The following FAM184B variants were observed in gnomAD, a reference collection of about 807,000 sequenced individuals.
FAM184B encodes the protein family with sequence similarity 184 member B.
Under a neutral mutation model 135.9 loss-of-function variants are expected in FAM184B, and 111 were observed. The observed-to-expected ratio is 0.82, with a 90% CI of 0.70 to 0.96. The LOEUF is 0.96. Ranked by LOEUF, FAM184B falls within the 40% of genes least tolerant of loss-of-function variation. FAM184B has a pLI of 0.00. For missense variants in FAM184B, 1,375 were observed against 1,323.9 expected (o/e 1.04, Z -0.60); for synonymous variants, 552 against 524.8 (o/e 1.05, Z -0.71).
intron 1 of FAM184B, among the ~76,000 whole-genome samples, chr4:17,718,954 C>G (rs1717458575): frequency 6.6e-6 from 1 of 152,210 alleles, no homozygotes; most frequent in Non-Finnish European, 1.5e-5. Context: ...TTAGTATGTA[C>G]AGTAGTTGTC....
intron 1 of FAM184B, among the ~76,000 whole-genome samples, chr4:17,735,622 A>C (rs559518167): frequency 6.6e-6 from 1 of 152,260 alleles, no homozygotes; most frequent in Admixed American, 6.5e-5. Flanking sequence ...GTCAAAAAGC[A>C]AATCTAAGGA....
At position 17,645,597 on chromosome 4, in the gene FAM184B, A is replaced by G. The variant is rs866989762; in HGVS notation, c.2346+2040T>C. Among the ~76,000 whole-genome samples, 3 of 152,126 alleles carry G rather than the reference A, an allele frequency of 2.0e-5. No individual in the cohort carries two copies. The East Asian group carries it at 5.8e-4, about 29-fold the overall frequency. On this transcript the variant is annotated intron_variant, in intron 12 of 17. Coordinates refer to ENST00000265018, the MANE Select transcript of FAM184B (RefSeq NM_015688.2). ...TAATTCAAGATGGATTAAAGACTTA[A>G]ATGTTAGACCTAAAACCATAAAAAC...
At chr4:17,728,273 G>A (rs1157285726) in intron 1 of FAM184B, among the ~76,000 whole-genome samples, 4 of 152,172 alleles carry the variant, frequency 2.6e-5, no homozygotes, top group African/African-American at 9.7e-5. Context: ...TGTAGTCCCA[G>A]CTACTCAGGA....
chr4:17,686,834 C>T (rs1178346657), intron 7 of FAM184B, among the ~76,000 whole-genome samples: 3 of 152,134 alleles, frequency 2.0e-5, no homozygotes, highest in East Asian at 1.9e-4. Flanking sequence ...CCCAGCTACT[C>T]GGGAGGCTGA....
intron 1 of FAM184B, among the ~76,000 whole-genome samples, chr4:17,722,058 C>T (rs568767307): frequency 6.6e-6 from 1 of 152,204 alleles, no homozygotes; most frequent in Non-Finnish European, 1.5e-5. Flanking sequence ...GAGAGCTGTC[C>T]AGGAGGAGGA....
At chr4:17,659,217 C>T (rs935436200) in intron 9 of FAM184B, among the ~76,000 whole-genome samples, 12 of 150,958 alleles carry the variant, frequency 7.9e-5, no homozygotes, top group Admixed American at 1.3e-4. Flanking sequence ...GCGACCCTCC[C>T]GCCTCAGCCT....
At chr4:17,650,852 T>C (rs544524516) in intron 11 of FAM184B, among the ~76,000 whole-genome samples, 117 of 152,310 alleles carry the variant, frequency 7.7e-4, no homozygotes, top group Non-Finnish European at 1.5e-3. Flanking sequence ...AACTCACTTA[T>C]GGAGGTAAAG....
At chr4:17,709,881 C>T (rs1473523651) in intron 1 of FAM184B, among the ~76,000 whole-genome samples, 3 of 152,096 alleles carry the variant, frequency 2.0e-5, no homozygotes, top group African/African-American at 4.8e-5. Context: ...TGCACAAAGG[C>T]CCCAGAGAGG....
intron 10 of FAM184B, among the ~76,000 whole-genome samples, chr4:17,655,333 C>A (rs1391683373): frequency 6.6e-6 from 1 of 152,160 alleles, no homozygotes; most frequent in East Asian, 1.9e-4. Context: ...TCTGACCCAG[C>A]CTCTCTCCAT....
chr4:17,709,441 CG>C lies in FAM184B; in HGVS notation c.344del (p.Thr115ArgfsTer20). On this transcript the variant is annotated frameshift_variant, in exon 2 of 18. Coordinates refer to ENST00000265018, the MANE Select transcript of FAM184B (RefSeq NM_015688.2). LOFTEE classifies it high-confidence loss of function. Reference protein sequence around the residue: ...ESALELQKRLTEEALAESASC... With the variant: ...ESALELQKRLXEEALAESASC... ...AGGCCGACTCAGCCAGCGCCTCCTC[CG>C]TCAGCCTCTTTTGCAGCTCCAGGGC... 1 of 1,522,002 alleles carries C rather than the reference CG, an allele frequency of 6.6e-7. No individual in the cohort carries two copies. The highest frequency in any genetic ancestry group is 2.1e-5 in the Admixed American group (1 of 47,562). The allele number at this position is 1,522,002 out of a possible 1,614,324, so 94.3% of individuals were successfully genotyped here.
At chr4:17,707,860 T>G in intron 2 of FAM184B, 76 bp from the exon 3 acceptor site, 2 of 1,513,246 alleles carry the variant, frequency 1.3e-6, no homozygotes, top group Non-Finnish European at 1.8e-6. Context: ...AGAATAGCCA[T>G]CAGACCTGAA....
rs575653094 is a variant in FAM184B, at chr4:17,646,825, G to A, written c.2346+812C>T. On this transcript the variant is annotated intron_variant, in intron 12 of 17. Transcript: ENST00000265018. ...GAGGGAGAGAGGGCTGGGCTGTTAG[G>A]AGGTGACTGCCACCCAGCTAGACCA... Among the ~76,000 whole-genome samples, 142 of 152,278 alleles carry A rather than the reference G, an allele frequency of 9.3e-4. 2 individuals are homozygous for A. In the South Asian group the frequency reaches 0.029, roughly 31 times the overall value.
intron 1 of FAM184B, 70 bp from the exon 2 acceptor site, chr4:17,709,714 C>G: frequency 1.5e-6 from 2 of 1,342,074 alleles, no homozygotes; most frequent in South Asian, 3.2e-5. Context: ...GGGGACAGAG[C>G]AATATTCTCC....
rs1374788503 is a variant in FAM184B, at chr4:17,632,472, T to G, written c.*60A>C. The G allele has an allele frequency of 7.4e-7, 1 of 1,343,736 alleles. No homozygotes were observed. The highest frequency in any genetic ancestry group is 1.5e-5 in the African/African-American group (1 of 68,354). The allele number at this position is 1,343,736 out of a possible 1,614,324, so 83.2% of individuals were successfully genotyped here. On this transcript the variant is annotated 3_prime_UTR_variant, in exon 18 of 18. Coordinates refer to ENST00000265018, the MANE Select transcript of FAM184B (RefSeq NM_015688.2). ...GGTTGGTGTTAGTTCATTCCTTCAATCGGATGATTTAAAATAAATGTTTTT... is the reference window on the plus strand; with the variant it reads ...GGTTGGTGTTAGTTCATTCCTTCAAGCGGATGATTTAAAATAAATGTTTTT...
chr4:17,641,758 A>G (rs1241870738), intron 13 of FAM184B, among the ~76,000 whole-genome samples: 1 of 148,806 alleles, frequency 6.7e-6, no homozygotes, highest in Non-Finnish European at 1.5e-5. Context: ...TCTGCCAACC[A>G]AAGTGCTGGG....
chr4:17,733,181 G>A (rs1227594350), intron 1 of FAM184B, among the ~76,000 whole-genome samples: 2 of 152,062 alleles, frequency 1.3e-5, no homozygotes, highest in East Asian at 1.9e-4. Context: ...TTGATGGGAC[G>A]TATCTCAAAA....
intron 1 of FAM184B, among the ~76,000 whole-genome samples, chr4:17,737,784 A>G (rs562353860): frequency 6.6e-6 from 1 of 152,274 alleles, no homozygotes; most frequent in South Asian, 2.1e-4. Flanking sequence ...ATTATCTCAA[A>G]TCTGTTACTC....
intron 7 of FAM184B, among the ~76,000 whole-genome samples, chr4:17,676,421 A>G (rs1426531207): frequency 1.3e-5 from 2 of 152,242 alleles, no homozygotes; most frequent in Non-Finnish European, 1.5e-5. Flanking sequence ...TATAATAAGA[A>G]TAACAAATTT....
At chr4:17,766,886 C>T (rs1031312837) in intron 1 of FAM184B, among the ~76,000 whole-genome samples, 2 of 152,266 alleles carry the variant, frequency 1.3e-5, no homozygotes, top group African/African-American at 2.4e-5. Flanking sequence ...AGGCTCCGGC[C>T]GCACAGGAGC....
Sources: gnomAD v4.1 joint callset for allele counts (sites outside exome capture counted in the v4.1 genomes callset) on GRCh38, gnomAD v4.1.1 for gene constraint, MANE v1.5 for transcripts, NCBI Gene and HGNC (gene_info 2026-07-23, HGNC 2026-07-21) for gene names.